IL17RD: variants seen among roughly 807,000 people sequenced by gnomAD.
IL17RD encodes the protein interleukin-17 receptor D.
In IL17RD, 52 loss-of-function variants were observed where a neutral mutation model predicts 80.5. That is an observed-to-expected ratio of 0.65 (90% CI 0.52 to 0.81). The LOEUF (loss-of-function observed/expected upper bound fraction) is 0.81, where lower values mean the gene tolerates loss of function less well. Among genes scored for constraint, IL17RD ranks in the 40% least tolerant of loss-of-function variants. The pLI is 0.00. For synonymous variants in IL17RD, 416 were observed against 391.8 expected (o/e 1.06, Z -0.73); for missense variants, 1,024 against 955.1 (o/e 1.07, Z -0.95).
At chr3:57,165,077 C>T in intron 1 of IL17RD, 84 bp downstream of exon 1, 3 of 1,384,134 alleles carry the variant, frequency 2.2e-6, no homozygotes, top group Non-Finnish European at 2.8e-6. Context: ...CAGGTTGGCG[C>T]GGGCTCGCCT....
intron 1 of IL17RD, among the ~76,000 whole-genome samples, chr3:57,154,283 T>TATATATACACAC (rs904157398): frequency 5.3e-5 from 6 of 112,908 alleles, no homozygotes; most frequent in African/African-American, 1.9e-4. Context: ...TATATATATA[T>TATATATACACAC]ACACACACAC....
At chr3:57,163,803 A>AG (rs1401715931) in intron 1 of IL17RD, among the ~76,000 whole-genome samples, 2 of 5,550 alleles carry the variant, frequency 3.6e-4, no homozygotes, top group Admixed American at 1.1e-3. Context: ...CGGGGGGGGA[A>AG]GGGGGTGGCG....
chr3:57,145,018 C>G (rs1032997742), intron 1 of IL17RD, among the ~76,000 whole-genome samples: 2 of 152,200 alleles, frequency 1.3e-5, no homozygotes, highest in Admixed American at 1.3e-4. Flanking sequence ...ATGAACGACT[C>G]AGTTCTGCAA....
chr3:57,117,798 T>C (rs1204234841), intron 2 of IL17RD, among the ~76,000 whole-genome samples: 4 of 152,222 alleles, frequency 2.6e-5, no homozygotes, highest in African/African-American at 9.7e-5. Context: ...GTCCAAAGTG[T>C]TGGATTCTGG....
At chr3:57,119,419 C>T (rs1445075350) in intron 2 of IL17RD, among the ~76,000 whole-genome samples, 4 of 151,942 alleles carry the variant, frequency 2.6e-5, no homozygotes. Context: ...ATCCCAGCTG[C>T]TCAGGAGGCT....
chr3:57,139,284 T>G (rs1707786515), intron 1 of IL17RD, among the ~76,000 whole-genome samples: 1 of 152,086 alleles, frequency 6.6e-6, no homozygotes, highest in African/African-American at 2.4e-5. Context: ...AGTAGGAGAA[T>G]GAAATACAGT....
intron 1 of IL17RD, among the ~76,000 whole-genome samples, chr3:57,160,146 T>C (rs1361760736): frequency 6.6e-6 from 1 of 152,058 alleles, no homozygotes; most frequent in Non-Finnish European, 1.5e-5. Flanking sequence ...CACTCCAGCC[T>C]GGGCTCCAGA....
At chr3:57,161,012 G>C (rs1018145906) in intron 1 of IL17RD, among the ~76,000 whole-genome samples, 1 of 152,178 alleles carries the variant, frequency 6.6e-6, no homozygotes, top group African/African-American at 2.4e-5. Flanking sequence ...GGCACTGCAG[G>C]GGCTTGGGGT....
chr3:57,103,848 G>A (rs2107472708), intron 8 of IL17RD, among the ~76,000 whole-genome samples: 1 of 152,086 alleles, frequency 6.6e-6, no homozygotes, highest in South Asian at 2.1e-4. Context: ...GGGATTACAG[G>A]CGCCCACCAC....
chr3:57,096,207 T>C lies in IL17RD; in HGVS notation c.*186A>G, dbSNP rs1239406659. The C allele has an allele frequency of 1.7e-6, 1 of 582,208 alleles. No homozygotes were observed. The highest frequency in any genetic ancestry group is 3.1e-6 in the Non-Finnish European group (1 of 320,178). 36.1% of individuals were successfully genotyped at this position (582,208 alleles called of 1,614,324 possible). A position where few individuals can be genotyped will look rare whatever the true frequency, so the allele number is the denominator to read the frequency against. Reference sequence around the variant, plus strand: ...AGAGCTCCATATCATTTTAGAAAATTGGAGAGTTTGTCAAGATATCCGGTA... The same window carrying C: ...AGAGCTCCATATCATTTTAGAAAATCGGAGAGTTTGTCAAGATATCCGGTA... On this transcript the variant is annotated 3_prime_UTR_variant, in exon 13 of 13. Transcript: ENST00000296318.
chr3:57,118,270 GAGC>G (rs1336241629), intron 2 of IL17RD, among the ~76,000 whole-genome samples: 1 of 152,178 alleles, frequency 6.6e-6, no homozygotes, highest in Non-Finnish European at 1.5e-5. Context: ...CCACCAATGT[GAGC>G]TCCCTGAGTT....
chr3:57,138,281 TAAAGA>T (rs929440603), intron 1 of IL17RD, among the ~76,000 whole-genome samples: 1 of 151,706 alleles, frequency 6.6e-6, no homozygotes, highest in Non-Finnish European at 1.5e-5. Context: ...TTCAACACAA[TAAAGA>T]AAAAAGTAAA....
In IL17RD at chr3:57,096,356, G is replaced by C. The variant is rs1485813771; in HGVS notation, c.*37C>G. ...TGAGCTGGGGAATCAGAGGGAGGCA[G>C]CAGCTAAAGTGGCAATGCTTAGACT... On this transcript the variant is annotated 3_prime_UTR_variant, in exon 13 of 13. Coordinates refer to ENST00000296318, the MANE Select transcript of IL17RD (RefSeq NM_017563.5). The C allele has an allele frequency of 7.4e-7, 1 of 1,349,728 alleles. No individual in the cohort carries two copies. Among genetic ancestry groups the C allele is most frequent in the South Asian group, 1.2e-5 (1 of 85,798 alleles). The allele number at this position is 1,349,728 out of a possible 1,614,324, so 83.6% of individuals were successfully genotyped here.
At chr3:57,147,308 A>G (rs1248747513) in intron 1 of IL17RD, among the ~76,000 whole-genome samples, 2 of 152,244 alleles carry the variant, frequency 1.3e-5, no homozygotes, top group Non-Finnish European at 2.9e-5. Flanking sequence ...TGAACTATTA[A>G]TAACACATTT....
rs2107551268 is a variant in IL17RD, at chr3:57,165,172, A to G, written c.115T>C (p.Cys39Arg). ...GSGRARGADT[C>R]GWRGVGPASR... ...CGCCCTCGCCTTACCCTCCAGCCAC[A>G]GGTGTCGGCGCCCCGCGCGCGGCCG... The change falls in exon 1 of 13, where the codon TGT becomes CGT. Residue 39 changes from cysteine to arginine, a missense_variant. Cys to Arg is a radical substitution (Grantham distance 180). Transcript: ENST00000296318. 6.6e-7 allele frequency: 1 copy of G among 1,525,708 alleles called. No homozygotes were observed. The highest frequency in any genetic ancestry group is 1.4e-5 in the African/African-American group (1 of 70,046). 94.5% of individuals were successfully genotyped at this position (1,525,708 alleles called of 1,614,324 possible).
chr3:57,164,959 C>G (rs1435549094), intron 1 of IL17RD: 2 of 1,317,738 alleles, frequency 1.5e-6, no homozygotes, highest in Non-Finnish European at 1.9e-6. Context: ...GTCGGGCAGC[C>G]GCTTTCATCT....
chr3:57,134,371 G>A, intron 1 of IL17RD: 2 of 695,548 alleles, frequency 2.9e-6, no homozygotes, highest in South Asian at 1.5e-5. Flanking sequence ...ATGGGCATAA[G>A]TAAGCGAAAG....
At chr3:57,168,715 GTTGT>G (rs765223504), upstream of IL17RD, among the ~76,000 whole-genome samples, 265 of 152,142 alleles carry the variant, frequency 1.7e-3, 1 homozygote, top group Non-Finnish European at 3.2e-3. Flanking sequence ...TGTTTTTGTT[GTTGT>G]TTGTTTGTTT....
chr3:57,128,708 A>G (rs1228422581), intron 1 of IL17RD, among the ~76,000 whole-genome samples: 1 of 152,010 alleles, frequency 6.6e-6, no homozygotes, highest in African/African-American at 2.4e-5. Flanking sequence ...GTTCTTCCCC[A>G]CGCCTGACTT....
Sources: allele counts gnomAD v4.1 joint callset (sites outside exome capture counted in the v4.1 genomes callset), GRCh38; gene constraint gnomAD v4.1.1; transcripts MANE v1.5; gene names NCBI Gene and HGNC (gene_info 2026-07-23, HGNC 2026-07-21).